Variants in KHDRBS2 observed in about 807,000 individuals in gnomAD.
KHDRBS2 encodes KH domain-containing, RNA-binding, signal transduction-associated protein 2.
Under a neutral mutation model 44.3 loss-of-function variants are expected in KHDRBS2, and 26 were observed. The observed-to-expected ratio is 0.59, with a 90% CI of 0.43 to 0.81. The LOEUF (loss-of-function observed/expected upper bound fraction) is 0.81. Among genes scored for constraint, KHDRBS2 ranks in the 40% least tolerant of loss-of-function variants. The pLI, the probability that KHDRBS2 is intolerant of heterozygous loss-of-function variation, is 0.00. For synonymous variants in KHDRBS2, 194 were observed against 151.1 expected (o/e 1.28, Z -2.08); for missense variants, 476 against 433.1 (o/e 1.10, Z -0.88).
At chr6:62,078,119 T>C (rs1239846666) in intron 2 of KHDRBS2, among the ~76,000 whole-genome samples, 1 of 152,056 alleles carries the variant, frequency 6.6e-6, no homozygotes, top group Non-Finnish European at 1.5e-5. Context: ...TAAAATCACC[T>C]AGTCTCCACA....
At chr6:61,565,926 C>T in the KHDRBS2 span, among the ~76,000 whole-genome samples, 6 of 151,934 alleles carry the variant, frequency 3.9e-5, no homozygotes, top group African/African-American at 9.7e-5. Flanking sequence ...TTTATTGCAG[C>T]ACTATACACA....
intron 6 of KHDRBS2, among the ~76,000 whole-genome samples, chr6:61,797,664 C>A (rs957535991): frequency 2.4e-4 from 37 of 151,390 alleles, no homozygotes; most frequent in African/African-American, 9.0e-4. Flanking sequence ...CTCATTGTAA[C>A]ATAATGCTCC....
At position 61,993,669 on chromosome 6, in the gene KHDRBS2, A is replaced by T. The variant is rs1214316200; in HGVS notation, c.337-15457T>A. On this transcript the variant is annotated intron_variant, in intron 3 of 8. Coordinates refer to ENST00000281156, the MANE Select transcript of KHDRBS2 (RefSeq NM_152688.4). ...TAAAATCATATATATATATATATAT[A>T]TATATTTTTTTTTTTTGATGTGAGC... Among the ~76,000 whole-genome samples the T allele has an allele frequency of 2.7e-3, 333 of 122,186 alleles. 1 individual carries two copies. Among genetic ancestry groups the T allele is most frequent in the African/African-American group, 9.4e-3 (320 of 33,940 alleles). 80.2% of individuals were successfully genotyped at this position (122,186 alleles called of 152,430 possible).
chr6:61,578,991 G>A, the KHDRBS2 span, among the ~76,000 whole-genome samples: 1 of 152,162 alleles, frequency 6.6e-6, no homozygotes, highest in Non-Finnish European at 1.5e-5. Context: ...CAAACACAAA[G>A]TGTGACAGCT....
At chr6:61,909,294 C>A (rs556460632) in intron 4 of KHDRBS2, among the ~76,000 whole-genome samples, 3 of 152,130 alleles carry the variant, frequency 2.0e-5, no homozygotes, top group African/African-American at 7.2e-5. Context: ...GTGTCGCACT[C>A]CTGAGCTCAA....
chr6:61,917,662 G>A (rs1281712009), intron 4 of KHDRBS2, among the ~76,000 whole-genome samples: 3 of 151,910 alleles, frequency 2.0e-5, no homozygotes, highest in African/African-American at 7.2e-5. Context: ...ATGTGTCAAT[G>A]TATTTCACTG....
intron 8 of KHDRBS2, among the ~76,000 whole-genome samples, chr6:61,691,525 C>T (rs560021665): frequency 2.2e-4 from 34 of 152,060 alleles, no homozygotes; most frequent in East Asian, 1.2e-3. Context: ...TCCCCATAAC[C>T]TATTATGTAA....
At chr6:62,084,835 T>A (rs1798104967) in intron 2 of KHDRBS2, among the ~76,000 whole-genome samples, 1 of 152,144 alleles carries the variant, frequency 6.6e-6, no homozygotes, top group South Asian at 2.1e-4. Flanking sequence ...ATTTCACCCA[T>A]TACAGAAATA....
chr6:61,616,476 T>C, the KHDRBS2 span, among the ~76,000 whole-genome samples: 5 of 20,636 alleles, frequency 2.4e-4, no homozygotes, highest in South Asian at 2.2e-3. Flanking sequence ...TATACATATA[T>C]ATATATATAT....
chr6:61,687,994 C>G (rs1349871875), intron 8 of KHDRBS2, among the ~76,000 whole-genome samples: 1 of 151,612 alleles, frequency 6.6e-6, no homozygotes, highest in African/African-American at 2.4e-5. Flanking sequence ...TAGTCCCTGT[C>G]CTATACATTA....
chr6:61,920,406 GT>G (rs2127358761), intron 4 of KHDRBS2, among the ~76,000 whole-genome samples: 1 of 152,042 alleles, frequency 6.6e-6, no homozygotes, highest in African/African-American at 2.4e-5. Context: ...CCTGATAAAT[GT>G]TAGTTCTTAT....
At chr6:62,124,815 A>G (rs1177897961) in intron 2 of KHDRBS2, among the ~76,000 whole-genome samples, 1 of 152,134 alleles carries the variant, frequency 6.6e-6, no homozygotes, top group Non-Finnish European at 1.5e-5. Flanking sequence ...AAATCTCCAT[A>G]CTGTCTTCCA....
At chr6:61,877,021 T>C (rs1799511991) in intron 6 of KHDRBS2, among the ~76,000 whole-genome samples, 1 of 152,078 alleles carries the variant, frequency 6.6e-6, no homozygotes, top group African/African-American at 2.4e-5. Flanking sequence ...TTTTCATAAA[T>C]AAAGTTTTAC....
At chr6:61,920,233 G>A (rs1807813930) in intron 4 of KHDRBS2, among the ~76,000 whole-genome samples, 1 of 151,918 alleles carries the variant, frequency 6.6e-6, no homozygotes, top group South Asian at 2.1e-4. Context: ...GCCTGGGTGA[G>A]AGACATTGAC....
chr6:61,750,925 T>C (rs1777588909), intron 6 of KHDRBS2, among the ~76,000 whole-genome samples: 1 of 152,060 alleles, frequency 6.6e-6, no homozygotes, highest in South Asian at 2.1e-4. Context: ...ATAAGGTAAA[T>C]GATGACAAAA....
At chr6:61,950,873 G>A (rs1357369828) in intron 4 of KHDRBS2, among the ~76,000 whole-genome samples, 1 of 152,000 alleles carries the variant, frequency 6.6e-6, no homozygotes, top group Non-Finnish European at 1.5e-5. Flanking sequence ...TACAGTAAAT[G>A]AGAATCTCAC....
chr6:61,862,792 T>A (rs1180143242), intron 6 of KHDRBS2, among the ~76,000 whole-genome samples: 6 of 152,156 alleles, frequency 3.9e-5, no homozygotes, highest in Non-Finnish European at 4.4e-5. Flanking sequence ...CTTTTGGTGA[T>A]ATCTCTGCCA....
intron 2 of KHDRBS2, among the ~76,000 whole-genome samples, chr6:62,061,165 C>T (rs543764056): frequency 1.3e-5 from 2 of 151,598 alleles, no homozygotes; most frequent in Non-Finnish European, 2.9e-5. Flanking sequence ...AGCATTTAGT[C>T]CATTTACATT....
At chr6:62,057,715 A>C (rs1269343736) in intron 2 of KHDRBS2, among the ~76,000 whole-genome samples, 1 of 151,950 alleles carries the variant, frequency 6.6e-6, no homozygotes, top group African/African-American at 2.4e-5. Flanking sequence ...CTGTGTTTTC[A>C]GTGGATTAAA....
Sources: allele counts gnomAD v4.1 joint callset (sites outside exome capture counted in the v4.1 genomes callset), GRCh38; gene constraint gnomAD v4.1.1; transcripts MANE v1.5; gene names NCBI Gene and HGNC (gene_info 2026-07-23, HGNC 2026-07-21).